Variants in BMP8A observed in about 807,000 individuals in gnomAD.
BMP8A encodes BMP-8A.
BMP8A carries 14 observed loss-of-function variants against 36.8 expected under a neutral mutation model. The ratio of observed to expected loss-of-function variants is 0.38; its 90% CI spans 0.25 to 0.60. The LOEUF (loss-of-function observed/expected upper bound fraction) is 0.60, where lower values mean the gene tolerates loss of function less well. Among genes scored for constraint, BMP8A ranks in the 20% least tolerant of loss-of-function variants. BMP8A has a pLI of 0.63. For missense variants in BMP8A, 267 were observed against 551.1 expected (o/e 0.48, Z 5.16); for synonymous variants, 120 against 237.7 (o/e 0.50, Z 4.55).
chr1:39,509,172 A>G (rs1025564775), intron 1 of BMP8A, among the ~76,000 whole-genome samples: 2 of 152,180 alleles, frequency 1.3e-5, no homozygotes, highest in Non-Finnish European at 2.9e-5. Flanking sequence ...GCACAAGCAC[A>G]TAGAGCCACG....
At chr1:39,515,486 C>G in intron 3 of BMP8A, 1 of 991,424 alleles carries the variant, frequency 1.0e-6, no homozygotes, top group Non-Finnish European at 1.4e-6. Context: ...ACACCCCGGA[C>G]GGCCACCTGG....
chr1:39,523,670 CT>C, intron 6 of BMP8A: 1 of 1,438,006 alleles, frequency 7.0e-7, no homozygotes, highest in Non-Finnish European at 9.2e-7. Flanking sequence ...GATCCCCTGG[CT>C]TTTGATGCCT....
chr1:39,525,605 G>A lies in BMP8A; in HGVS notation c.1060-44G>A, dbSNP rs768216781. 1.9e-6 allele frequency: 3 copies of A among 1,606,956 alleles called. No homozygotes were observed. In the South Asian group the frequency reaches 3.3e-5, roughly 18 times the overall value. ...CGGGGCTAGGTGGGTCCTCAGAGGA[G>A]GCCACTGGCCTCATGCCCCTGCCTG... is the stretch of plus-strand genomic sequence containing the variant. On this transcript the variant is annotated intron_variant, in intron 6 of 6. Coordinates refer to ENST00000331593, the MANE Select transcript of BMP8A (RefSeq NM_181809.4).
chr1:39,502,004 C>G (rs939436115), intron 1 of BMP8A, among the ~76,000 whole-genome samples: 5 of 151,214 alleles, frequency 3.3e-5, no homozygotes, highest in African/African-American at 1.2e-4. Flanking sequence ...CTTTGGGAGG[C>G]CAAGGCGGGT....
At chr1:39,496,145 G>A (rs1645203344) in intron 1 of BMP8A, among the ~76,000 whole-genome samples, 1 of 152,016 alleles carries the variant, frequency 6.6e-6, no homozygotes, top group Admixed American at 6.6e-5. Context: ...TCTTTACCAG[G>A]GACCTCTTTC....
At chr1:39,501,675 G>A (rs1645254857) in intron 1 of BMP8A, among the ~76,000 whole-genome samples, 1 of 152,124 alleles carries the variant, frequency 6.6e-6, no homozygotes, top group Non-Finnish European at 1.5e-5. Flanking sequence ...TGTTGCCCAG[G>A]CTGATCTTGA....
At position 39,492,242 on chromosome 1, in the gene BMP8A, T is replaced by G. The variant is rs1229297364; in HGVS notation, c.251T>G (p.Met84Arg). The part of the protein sequence containing the change: ...PLFMLDLYHA[M>R]AGDDDEDGAP... ...TTCATGCTGGACCTGTACCACGCCA[T>G]GGCTGGCGACGACGACGAGGACGGC... Residue 84 changes from methionine to arginine, a missense_variant, in exon 1 of 7, where the codon ATG becomes AGG. This residue lies in a region of BMP8A where 21 missense variants were observed against 59.2 expected (regional missense o/e 0.35). Transcript: ENST00000331593. 1 of 1,558,166 alleles carries G rather than the reference T, an allele frequency of 6.4e-7. No homozygotes were observed. The highest frequency in any genetic ancestry group is 1.1e-5 in the South Asian group (1 of 88,022).
intron 1 of BMP8A, among the ~76,000 whole-genome samples, chr1:39,498,214 GC>G (rs1276501644): frequency 1.3e-5 from 2 of 152,186 alleles, no homozygotes; most frequent in African/African-American, 4.8e-5. Context: ...CCCACCCCCT[GC>G]CTGCTGATGG....
At chr1:39,495,102 C>T (rs1557683999) in intron 1 of BMP8A, among the ~76,000 whole-genome samples, 1 of 152,322 alleles carries the variant, frequency 6.6e-6, no homozygotes, top group East Asian at 1.9e-4. Flanking sequence ...CCCAGAGCCA[C>T]CATGGGATCT....
In BMP8A at chr1:39,522,413, C is replaced by T. The variant is rs761737627; in HGVS notation, c.879C>T (p.Arg293=). Residue 293 remains arginine, a synonymous_variant, in exon 5 of 7, where the codon CGC becomes CGT. Coordinates refer to ENST00000331593, the MANE Select transcript of BMP8A (RefSeq NM_181809.4). ...NRLPGIFDDV[R]GSHGRQVCRR... ...CTTCTGTCCCTGCAGATGACGTCCG[C>T]GGCTCCCACGGCCGGCAGGTCTGCC... The T allele has an allele frequency of 1.2e-5, 20 of 1,604,704 alleles. No homozygotes were observed. The Admixed American group carries it at 1.7e-4, about 14-fold the overall frequency.
At chr1:39,496,513 T>C (rs983013500) in intron 1 of BMP8A, among the ~76,000 whole-genome samples, 2 of 152,056 alleles carry the variant, frequency 1.3e-5, no homozygotes, top group Admixed American at 6.6e-5. Context: ...AGTTTCCTCC[T>C]CTGTAAAATG....
chr1:39,499,373 G>A (rs1371713891), intron 1 of BMP8A, among the ~76,000 whole-genome samples: 1 of 152,270 alleles, frequency 6.6e-6, no homozygotes, highest in Non-Finnish European at 1.5e-5. Flanking sequence ...TCGGGGCCGG[G>A]GAGGGTCTGA....
Position 39,522,463 on chromosome 1 carries a change from TCCAGG to T in BMP8A, c.930_934del (p.Phe310LeufsTer20), listed in dbSNP as rs1645435719. 6.2e-7 allele frequency: 1 copy of T among 1,613,676 alleles called. No homozygotes were observed. Among genetic ancestry groups the T allele is most frequent in the Non-Finnish European group, 8.5e-7 (1 of 1,179,822 alleles). ...CGTCGGCACGAGCTCTACGTCAGCT[TCCAGG>T]ACCTTGGCTGGCTGGTAATTGCTGA... On this transcript the variant is annotated frameshift_variant, in exon 5 of 7. Coordinates refer to ENST00000331593, the MANE Select transcript of BMP8A (RefSeq NM_181809.4). LOFTEE classifies it high-confidence loss of function.
Position 39,525,914 on chromosome 1 carries a change from T to C in BMP8A, c.*116T>C. On this transcript the variant is annotated 3_prime_UTR_variant, in exon 7 of 7. Coordinates refer to ENST00000331593, the MANE Select transcript of BMP8A (RefSeq NM_181809.4). ...GCAGGAGTGTCAGGGGCCCTCACTC[T>C]CGGTGCCTACTTCCTGTCAGGCTTC... 1 of 1,518,002 alleles carries C rather than the reference T, an allele frequency of 6.6e-7. No individual in the cohort carries two copies. The highest frequency in any genetic ancestry group is 8.9e-7 in the Non-Finnish European group (1 of 1,124,636). 94.0% of individuals were successfully genotyped at this position (1,518,002 alleles called of 1,614,324 possible).
At chr1:39,514,517 CAG>C (rs1345625947) in intron 3 of BMP8A, among the ~76,000 whole-genome samples, 5 of 150,894 alleles carry the variant, frequency 3.3e-5, no homozygotes, top group African/African-American at 1.2e-4. Flanking sequence ...GTGCTTGGCA[CAG>C]AGTGATGCCC....
At chr1:39,497,446 T>A (rs1397032100) in intron 1 of BMP8A, among the ~76,000 whole-genome samples, 2 of 152,162 alleles carry the variant, frequency 1.3e-5, no homozygotes, top group Non-Finnish European at 2.9e-5. Context: ...TCTGCACCAT[T>A]GCTCGTTGGG....
At position 39,522,392 on chromosome 1, in the gene BMP8A, T is replaced by C; in HGVS notation, c.869-11T>C. ...ACCCCAGAAAAGACCTTGCCCCTTC[T>C]GTCCCTGCAGATGACGTCCGCGGCT... On this transcript the variant is annotated splice_polypyrimidine_tract_variant and intron_variant, in intron 4 of 6. Transcript: ENST00000331593. 6.4e-7 allele frequency: 1 copy of C among 1,569,744 alleles called. No homozygotes were observed.
At position 39,525,651 on chromosome 1, in the gene BMP8A, G is replaced by A. The variant is rs764100006; in HGVS notation, c.1062G>A (p.Val354=). 2 of 1,613,768 alleles carry A rather than the reference G, an allele frequency of 1.2e-6. No individual in the cohort carries two copies. The highest frequency in any genetic ancestry group is 2.2e-5 in the South Asian group (2 of 91,082). ...GCCTGTGCTCCCTTCCTGGCCAGGT[G>A]CACCTGATGAAGCCAAACGCAGTCC... The part of the protein sequence containing the change: ...ATNHAILQSL[V]HLMKPNAVPK... Residue 354 remains valine, a splice_region_variant and synonymous_variant, in exon 7 of 7, where the codon GTG becomes GTA. Transcript: ENST00000331593.
intron 1 of BMP8A, among the ~76,000 whole-genome samples, chr1:39,507,974 G>A (rs782869): frequency 0.04 from 6,127 of 152,250 alleles, 345 homozygotes; most frequent in African/African-American, 0.13. Flanking sequence ...AAAACTAGCC[G>A]GGTGCAGTGG....
Sources: gnomAD v4.1 joint callset for allele counts (sites outside exome capture counted in the v4.1 genomes callset) on GRCh38, gnomAD v4.1.1 for gene constraint, gnomAD v4.1.1 regional missense constraint, MANE v1.5 for transcripts, NCBI Gene and HGNC (gene_info 2026-07-23, HGNC 2026-07-21) for gene names.